SEC22A: variants seen among roughly 807,000 people sequenced by gnomAD.
The protein encoded by SEC22A is vesicle-trafficking protein SEC22a.
SEC22A carries 22 observed loss-of-function variants against 35.3 expected under a neutral mutation model. The observed-to-expected ratio is 0.62, with a 90% confidence interval of 0.45 to 0.89. The LOEUF (loss-of-function observed/expected upper bound fraction) is 0.89, where lower values mean the gene tolerates loss of function less well. Ranked by LOEUF, SEC22A falls within the 40% of genes least tolerant of loss-of-function variation. SEC22A has a pLI of 0.00. For synonymous variants in SEC22A, 119 were observed against 129.5 expected, an observed-to-expected ratio of 0.92 and a Z score of 0.55; for missense variants, 354 against 362.5, an observed-to-expected ratio of 0.98 and a Z score of 0.19.
intron 4 of SEC22A, among the ~76,000 whole-genome samples, chr3:123,226,547 A>AT (rs1297325305): frequency 6.6e-6 from 1 of 151,940 alleles, no homozygotes; most frequent in African/African-American, 2.4e-5. Context: ...GGCTTGTTAG[A>AT]TTTTTTCATA....
intron 4 of SEC22A, among the ~76,000 whole-genome samples, chr3:123,234,100 A>T (rs1481243271): frequency 6.6e-6 from 1 of 152,192 alleles, no homozygotes; most frequent in African/African-American, 2.4e-5. Context: ...TATATACTGA[A>T]AACTTTAAAA....
intron 6 of SEC22A, among the ~76,000 whole-genome samples, chr3:123,269,464 T>G (rs1218391880): frequency 6.6e-6 from 1 of 151,956 alleles, no homozygotes; most frequent in Non-Finnish European, 1.5e-5. Context: ...TTAAGTGATC[T>G]AATTTAATAT....
At chr3:123,270,295 C>G (rs552670927) in intron 6 of SEC22A, among the ~76,000 whole-genome samples, 1 of 152,232 alleles carries the variant, frequency 6.6e-6, no homozygotes, top group African/African-American at 2.4e-5. Flanking sequence ...ATAAATACTT[C>G]CAATTCATTT....
At chr3:123,241,434 G>A (rs1447383766) in intron 4 of SEC22A, among the ~76,000 whole-genome samples, 2 of 152,092 alleles carry the variant, frequency 1.3e-5, no homozygotes, top group Non-Finnish European at 2.9e-5. Flanking sequence ...GTTTCCCTAG[G>A]CATTGTGGGC....
chr3:123,218,608 A>G (rs1005891931), intron 2 of SEC22A, among the ~76,000 whole-genome samples: 2 of 152,184 alleles, frequency 1.3e-5, no homozygotes, highest in African/African-American at 4.8e-5. Context: ...TCTTAAGGAC[A>G]TGTCGAAGAT....
intron 2 of SEC22A, among the ~76,000 whole-genome samples, chr3:123,213,032 A>C (rs907924204): frequency 8.5e-5 from 13 of 152,346 alleles, no homozygotes; most frequent in African/African-American, 2.6e-4. Flanking sequence ...GGAGTGGGAT[A>C]AATCAGCAGA....
chr3:123,225,100 T>C lies in SEC22A; in HGVS notation c.347-3T>C. The C allele has an allele frequency of 6.4e-7, 1 of 1,569,414 alleles. No homozygotes were observed. Among genetic ancestry groups the C allele is most frequent in the East Asian group, 2.2e-5 (1 of 44,524 alleles). On this transcript the variant is annotated splice_region_variant and splice_polypyrimidine_tract_variant and intron_variant, in intron 3 of 6. Coordinates refer to ENST00000492595, the MANE Select transcript of SEC22A (RefSeq NM_012430.5). ...AAGGAAATTTATTTTTTATTTTACA[T>C]AGATAACTTCATTCAGAGGACCAAG...
In SEC22A at chr3:123,245,940, G is replaced by A; in HGVS notation, c.583G>A (p.Gly195Arg). 1 of 1,612,872 alleles carries A rather than the reference G, an allele frequency of 6.2e-7. No individual in the cohort carries two copies. Among genetic ancestry groups the A allele is most frequent in the Middle Eastern group, 1.7e-4 (1 of 6,052 alleles). ...ACCAGCAACTCTGTCAGGGATTGTA[G>A]GATTTATCCTTAGTCTTTTATGTGG... ...LEPATLSGIV[G>R]FILSLLCGAL... The change falls in exon 5 of 7, where the codon GGA becomes AGA. Residue 195 changes from glycine to arginine, a missense_variant. By Grantham distance (125) the Gly-to-Arg change is moderately radical. Transcript: ENST00000492595.
At chr3:123,229,164 G>A (rs536183004) in intron 4 of SEC22A, among the ~76,000 whole-genome samples, 5 of 152,238 alleles carry the variant, frequency 3.3e-5, no homozygotes, top group East Asian at 1.9e-4. Context: ...GGATACACAC[G>A]AGATCCACAA....
intron 1 of SEC22A, among the ~76,000 whole-genome samples, chr3:123,206,449 T>TTA (rs1254725308): frequency 6.6e-6 from 1 of 152,180 alleles, no homozygotes; most frequent in Non-Finnish European, 1.5e-5. Flanking sequence ...CCCAGAATGG[T>TTA]TATTGTGTTG....
At chr3:123,245,232 A>G (rs1533393) in intron 4 of SEC22A, among the ~76,000 whole-genome samples, 29,887 of 152,232 alleles carry the variant, frequency 0.2, 3,044 homozygotes, top group Middle Eastern at 0.27. Flanking sequence ...CAGAAAAAGT[A>G]GGATTATGCA....
At chr3:123,271,032 T>C (rs963860584) in intron 6 of SEC22A, among the ~76,000 whole-genome samples, 2 of 152,266 alleles carry the variant, frequency 1.3e-5, no homozygotes, top group Admixed American at 1.3e-4. Flanking sequence ...AGTCAGATGC[T>C]GTACCTAGCA....
At chr3:123,205,128 C>T (rs957384176) in intron 1 of SEC22A, among the ~76,000 whole-genome samples, 2 of 152,148 alleles carry the variant, frequency 1.3e-5, no homozygotes, top group African/African-American at 2.4e-5. Flanking sequence ...GATGGAGAGA[C>T]AGCTTAGCCT....
At chr3:123,230,484 T>G (rs944790190) in intron 4 of SEC22A, among the ~76,000 whole-genome samples, 2 of 151,994 alleles carry the variant, frequency 1.3e-5, no homozygotes, top group African/African-American at 4.8e-5. Flanking sequence ...TTATGGAGTT[T>G]GTGATGTTTA....
chr3:123,210,945 A>G (rs1187268385), intron 2 of SEC22A, among the ~76,000 whole-genome samples: 1 of 152,112 alleles, frequency 6.6e-6, no homozygotes, highest in Non-Finnish European at 1.5e-5. Context: ...GGGTCAGTGG[A>G]TGGTGATTTA....
chr3:123,235,278 A>G (rs72958577), intron 4 of SEC22A, among the ~76,000 whole-genome samples: 29,874 of 152,102 alleles, frequency 0.2, 3,029 homozygotes, highest in Middle Eastern at 0.28. Context: ...CTTGTAAATC[A>G]TATGTCTGAT....
chr3:123,225,550 AAG>A (rs1937205592), intron 4 of SEC22A, among the ~76,000 whole-genome samples: 1 of 152,204 alleles, frequency 6.6e-6, no homozygotes, highest in Admixed American at 6.5e-5. Context: ...AAATTAAAAA[AAG>A]TTAATTTTCA....
At position 123,271,872 on chromosome 3, in the gene SEC22A, C is replaced by T. The variant is rs1938175341; in HGVS notation, c.*150C>T. ...CCTTTTTTAAAATCAGCATGATGTG[C>T]CTGTGAGCATGGAAGAGTCCTCTCA... is the stretch of plus-strand genomic sequence containing the variant. On this transcript the variant is annotated 3_prime_UTR_variant, in exon 7 of 7. Transcript: ENST00000492595. The T allele has an allele frequency of 1.6e-6, 1 of 639,084 alleles. No homozygotes were observed. Among genetic ancestry groups the T allele is most frequent in the Non-Finnish European group, 2.7e-6 (1 of 376,296 alleles). 39.6% of individuals were successfully genotyped at this position (639,084 alleles called of 1,614,324 possible).
intron 5 of SEC22A, among the ~76,000 whole-genome samples, chr3:123,254,543 A>G (rs764585569): frequency 1.3e-5 from 2 of 151,172 alleles, no homozygotes; most frequent in Non-Finnish European, 3.0e-5. Flanking sequence ...CCACCTTCCA[A>G]CCTCTGGCTA....
Sources: allele counts gnomAD v4.1 joint callset (sites outside exome capture counted in the v4.1 genomes callset), GRCh38; gene constraint gnomAD v4.1.1; transcripts MANE v1.5; gene names NCBI Gene and HGNC (gene_info 2026-07-23, HGNC 2026-07-21).